Variants in WWOX observed in about 807,000 individuals in gnomAD.
WWOX encodes the protein WW domain-containing oxidoreductase.
WWOX carries 69 observed loss-of-function variants against 46.2 expected under a neutral mutation model. That is an observed-to-expected ratio of 1.49 (90% confidence interval 1.23 to 1.82). The LOEUF is 1.82. WWOX is among the 40% of genes most tolerant of loss of function. WWOX has a pLI of 0.00. For missense variants in WWOX, 919 were observed against 542.6 expected, an observed-to-expected ratio of 1.69 and a Z score of -6.89; for synonymous variants, 359 against 202.6, an observed-to-expected ratio of 1.77 and a Z score of -6.56.
chr16:78,163,681 C>G (rs1231892629), intron 4 of WWOX, among the ~76,000 whole-genome samples: 1 of 152,106 alleles, frequency 6.6e-6, no homozygotes, highest in Admixed American at 6.6e-5. Flanking sequence ...TAATTGTTCT[C>G]AGTAGGAAAT....
At chr16:79,038,436 T>C (rs1464130330) in intron 8 of WWOX, among the ~76,000 whole-genome samples, 3 of 152,194 alleles carry the variant, frequency 2.0e-5, no homozygotes, top group Non-Finnish European at 4.4e-5. Flanking sequence ...TAACATGCCC[T>C]AGACATGCAC....
At chr16:78,193,283 G>C (rs952861864) in intron 5 of WWOX, among the ~76,000 whole-genome samples, 1 of 152,232 alleles carries the variant, frequency 6.6e-6, no homozygotes, top group Non-Finnish European at 1.5e-5. Context: ...CTTGACCAAA[G>C]ATGGTTTTCT....
intron 8 of WWOX, among the ~76,000 whole-genome samples, chr16:79,047,404 A>G (rs1346376657): frequency 2.6e-5 from 4 of 152,214 alleles, no homozygotes; most frequent in African/African-American, 4.8e-5. Context: ...AGATTGATCC[A>G]TTGGTTAATT....
chr16:78,471,648 G>C lies in WWOX; in HGVS notation c.1056+38896G>C, dbSNP rs1395408137. ...TTTGTACTGAGACACATTTATATTA[G>C]GGTAATGGCCTCATGCTATTTGAAA... is the stretch of plus-strand genomic sequence containing the variant. On this transcript the variant is annotated intron_variant, in intron 8 of 8. Transcript: ENST00000566780. Among the ~76,000 whole-genome samples the C allele has an allele frequency of 2.0e-5, 3 of 152,202 alleles. No individual in the cohort carries two copies. The East Asian group carries it at 5.8e-4, about 29-fold the overall frequency.
At position 79,152,854 on chromosome 16, in the gene WWOX, C is replaced by G. The variant is rs374520485; in HGVS notation, c.1057-58754C>G. ...GGCCGAGACAGCTTGTGAGCTCACT[C>G]CCTGGGAGATAGAACGGAGTACCCA... On this transcript the variant is annotated intron_variant, in intron 8 of 8. Transcript: ENST00000566780. 5.7e-4 allele frequency among the ~76,000 whole-genome samples: 86 copies of G among 152,134 alleles called. 2 individuals carry two copies. The highest frequency in any genetic ancestry group is 2.9e-3 in the East Asian group (15 of 5,160).
intron 8 of WWOX, among the ~76,000 whole-genome samples, chr16:79,171,113 G>A (rs986861035): frequency 6.6e-6 from 1 of 152,216 alleles, no homozygotes; most frequent in Non-Finnish European, 1.5e-5. Flanking sequence ...GCACGTGAGA[G>A]TGAGAGGGAT....
chr16:78,878,015 C>A (rs957699253), intron 8 of WWOX, among the ~76,000 whole-genome samples: 1 of 152,154 alleles, frequency 6.6e-6, no homozygotes, highest in Admixed American at 6.5e-5. Context: ...TCTAGCAGGT[C>A]CCTTCTCTTT....
intron 8 of WWOX, among the ~76,000 whole-genome samples, chr16:79,124,488 C>T (rs573127967): frequency 6.6e-6 from 1 of 152,242 alleles, no homozygotes; most frequent in Admixed American, 6.5e-5. Context: ...GGCACAAAGG[C>T]GGCTCTGTCT....
intron 8 of WWOX, among the ~76,000 whole-genome samples, chr16:78,928,203 CTTTTTTTT>C (rs969068848): frequency 7.5e-6 from 1 of 134,220 alleles, no homozygotes; most frequent in Non-Finnish European, 1.6e-5. Flanking sequence ...TACCACTTTT[CTTTTTTTT>C]TTTTTTTTTG....
intron 5 of WWOX, among the ~76,000 whole-genome samples, chr16:78,380,990 C>G (rs2081943682): frequency 6.6e-6 from 1 of 152,170 alleles, no homozygotes; most frequent in African/African-American, 2.4e-5. Flanking sequence ...GAAGGCAATA[C>G]TATTATGCTC....
intron 8 of WWOX, among the ~76,000 whole-genome samples, chr16:79,115,303 T>G (rs1303692131): frequency 6.6e-6 from 1 of 152,186 alleles, no homozygotes; most frequent in African/African-American, 2.4e-5. Context: ...AAAGAAACTT[T>G]CAATGTATAC....
intron 8 of WWOX, among the ~76,000 whole-genome samples, chr16:78,800,454 C>A (rs758083873): frequency 1.3e-5 from 2 of 152,154 alleles, no homozygotes; most frequent in South Asian, 2.1e-4. Flanking sequence ...ATGAAAATGG[C>A]CCCAAATAAA....
At chr16:79,022,841 A>G (rs1248997407) in intron 8 of WWOX, among the ~76,000 whole-genome samples, 1 of 152,186 alleles carries the variant, frequency 6.6e-6, no homozygotes, top group Non-Finnish European at 1.5e-5. Flanking sequence ...GCTTCTGCAG[A>G]TAGAGTCTGT....
At chr16:78,407,991 G>C (rs76538753) in intron 6 of WWOX, among the ~76,000 whole-genome samples, 2,684 of 152,258 alleles carry the variant, frequency 0.018, 41 homozygotes, top group Non-Finnish European at 0.024. Context: ...CCCTGTCCCT[G>C]CTCAAGTTGG....
intron 8 of WWOX, among the ~76,000 whole-genome samples, chr16:78,732,245 G>C (rs900297319): frequency 6.6e-6 from 1 of 152,078 alleles, no homozygotes; most frequent in African/African-American, 2.4e-5. Context: ...CTTGAAGTTA[G>C]GTCATAAAAG....
intron 8 of WWOX, among the ~76,000 whole-genome samples, chr16:78,709,427 T>A (rs1344873340): frequency 6.6e-6 from 1 of 151,914 alleles, no homozygotes; most frequent in East Asian, 1.9e-4. Context: ...CTGTTGCAAG[T>A]AATCGGGCTC....
chr16:78,513,179 C>G lies in WWOX; in HGVS notation c.1056+80427C>G, dbSNP rs117292038. On this transcript the variant is annotated intron_variant, in intron 8 of 8. Transcript: ENST00000566780. ...TAGCATTAAAACAAATGCCTCAAAT[C>G]ATTTTTGGAAGGAGACAGGATATGA... 6.5e-4 allele frequency among the ~76,000 whole-genome samples: 99 copies of G among 152,268 alleles called. 2 individuals carry two copies. In the East Asian group the frequency reaches 0.016, roughly 25 times the overall value.
intron 8 of WWOX, among the ~76,000 whole-genome samples, chr16:78,621,592 C>CTTTTTTTTTTTTTTTTTGTTTTTT (rs2046185400): frequency 3.2e-5 from 1 of 31,512 alleles, no homozygotes; most frequent in African/African-American, 1.3e-4. Context: ...TTGTTCTAAT[C>CTTTTTTTTTTTTTTTTTGTTTTTT]TTTTTTTTTT....
chr16:78,495,852 TA>T (rs2084905788), intron 8 of WWOX: 1 of 152,174 alleles, frequency 6.6e-6, no homozygotes, highest in Non-Finnish European at 1.5e-5. Flanking sequence ...GTGCTTGGTT[TA>T]TTTTTTTCAG....
Sources: gnomAD v4.1 joint callset for allele counts (sites outside exome capture counted in the v4.1 genomes callset) on GRCh38, gnomAD v4.1.1 for gene constraint, MANE v1.5 for transcripts, NCBI Gene and HGNC (gene_info 2026-07-23, HGNC 2026-07-21) for gene names.